SAXO5: variants seen among roughly 807,000 people sequenced by gnomAD.
The protein encoded by SAXO5 is stabilizer of axonemal microtubules 5.
At chr19:7,506,243 AGCCCCTCCCCAT>A in the SAXO5 span, 1 of 560,182 alleles carries the variant, frequency 1.8e-6, no homozygotes, top group South Asian at 2.8e-5. Flanking sequence ...GCCCCCATGG[AGCCCCTCCCCAT>A]GGAGCCCCGC....
the SAXO5 span, chr19:7,505,880 C>A: frequency 1.5e-6 from 2 of 1,354,566 alleles, no homozygotes; most frequent in Admixed American, 2.2e-5. Flanking sequence ...TGTCCAAGGT[C>A]ACACAGAGCC....
chr19:7,498,463 C>G, the SAXO5 span, among the ~76,000 whole-genome samples: 1 of 141,618 alleles, frequency 7.1e-6, no homozygotes, highest in Non-Finnish European at 1.5e-5. Flanking sequence ...ATGGCGCAAT[C>G]TTGGCTCACC....
At chr19:7,503,771 C>T in the SAXO5 span, among the ~76,000 whole-genome samples, 1 of 151,956 alleles carries the variant, frequency 6.6e-6, no homozygotes, top group African/African-American at 2.4e-5. Context: ...AGGCATGAGC[C>T]ACCACACCTG....
At chr19:7,506,909 C>T in the SAXO5 span, 3 of 630,110 alleles carry the variant, frequency 4.8e-6, no homozygotes, top group Non-Finnish European at 5.7e-6. Context: ...CTCCTCCCTC[C>T]CCCCTCTCCT....
At chr19:7,499,191 T>C in the SAXO5 span, among the ~76,000 whole-genome samples, 2 of 151,596 alleles carry the variant, frequency 1.3e-5, no homozygotes, top group Non-Finnish European at 2.9e-5. Context: ...AGGTACCTGT[T>C]ATCCCAGCTA....
the SAXO5 span, chr19:7,506,209 G>T: frequency 3.9e-6 from 5 of 1,272,934 alleles, no homozygotes; most frequent in African/African-American, 2.6e-5. Context: ...CCCCGCCCCG[G>T]GAAGCCCCAC....
At chr19:7,507,894 T>C in the SAXO5 span, among the ~76,000 whole-genome samples, 2 of 152,160 alleles carry the variant, frequency 1.3e-5, no homozygotes, top group Non-Finnish European at 2.9e-5. Flanking sequence ...AGGCTTCACC[T>C]TCTGAAGGGC....
the SAXO5 span, chr19:7,506,913 C>A: frequency 4.6e-6 from 3 of 645,826 alleles, no homozygotes; most frequent in African/African-American, 1.8e-5. Context: ...TCCCTCCCCC[C>A]TCTCCTAATC....
chr19:7,506,999 C>A, the SAXO5 span: 1 of 1,445,476 alleles, frequency 6.9e-7, no homozygotes, highest in East Asian at 2.3e-5. Context: ...TTCACCACAC[C>A]CTCAGCCCCG....
chr19:7,498,012 G>T, the SAXO5 span, among the ~76,000 whole-genome samples: 6 of 151,892 alleles, frequency 4.0e-5, no homozygotes, highest in African/African-American at 9.7e-5. Flanking sequence ...TTGGCCGGGC[G>T]TGGTGGCGGA....
At chr19:7,501,954 G>T in the SAXO5 span, among the ~76,000 whole-genome samples, 3 of 151,632 alleles carry the variant, frequency 2.0e-5, no homozygotes, top group Non-Finnish European at 4.4e-5. Context: ...TTGGGGGGTG[G>T]CGAGGCCACC....
the SAXO5 span, chr19:7,506,209 G>A: frequency 7.9e-7 from 1 of 1,272,618 alleles, no homozygotes; most frequent in South Asian, 1.5e-5. Flanking sequence ...CCCCGCCCCG[G>A]GAAGCCCCAC....
chr19:7,505,530 T>C, the SAXO5 span: 1 of 1,614,144 alleles, frequency 6.2e-7, no homozygotes. Context: ...CTTTTGTTCT[T>C]CACCACGATC....
chr19:7,507,210 C>T, the SAXO5 span: 11 of 1,330,934 alleles, frequency 8.3e-6, no homozygotes, highest in Non-Finnish European at 1.1e-5. Flanking sequence ...TATCTCAGGA[C>T]GACTATGCTG....
At chr19:7,499,389 A>C in the SAXO5 span, among the ~76,000 whole-genome samples, 2 of 34,938 alleles carry the variant, frequency 5.7e-5, no homozygotes, top group Admixed American at 3.2e-4. Flanking sequence ...GGGGCGGGGG[A>C]GGGGGAGAGA....
chr19:7,507,667 C>T, the SAXO5 span, among the ~76,000 whole-genome samples: 2 of 152,106 alleles, frequency 1.3e-5, no homozygotes, highest in African/African-American at 2.4e-5. Context: ...TTTGCACCAC[C>T]ACCACTGTTA....
the SAXO5 span, chr19:7,500,806 G>T: frequency 6.9e-7 from 1 of 1,444,108 alleles, no homozygotes. Flanking sequence ...CCTCTCGCAG[G>T]TGGCTGGTGT....
the SAXO5 span, chr19:7,506,242 GA>G: frequency 1.7e-6 from 1 of 585,760 alleles, no homozygotes; most frequent in Non-Finnish European, 2.3e-6. Flanking sequence ...CGCCCCCATG[GA>G]GCCCCTCCCC....
the SAXO5 span, chr19:7,501,006 C>T: frequency 6.5e-7 from 1 of 1,529,832 alleles, no homozygotes; most frequent in South Asian, 1.2e-5. Flanking sequence ...CCTGCAGCCG[C>T]CGCCCGCGCT....
Sources: allele counts gnomAD v4.1 joint callset (sites outside exome capture counted in the v4.1 genomes callset), GRCh38; gene constraint gnomAD v4.1.1; transcripts MANE v1.5; gene names NCBI Gene and HGNC (gene_info 2026-07-23, HGNC 2026-07-21).